The following CECR2 variants were observed in gnomAD, a reference collection of about 807,000 sequenced individuals.
CECR2 encodes the protein chromatin remodeling regulator CECR2.
CECR2 carries 30 observed loss-of-function variants against 154.5 expected under a neutral mutation model. The observed-to-expected ratio is 0.19, with a 90% CI of 0.15 to 0.26. CECR2 has a LOEUF of 0.26. CECR2 is among the 10% of genes least tolerant of loss of function. The pLI is 1.00. For synonymous variants in CECR2, 725 were observed against 683.7 expected (o/e 1.06, Z -0.94); for missense variants, 1,743 against 1,829.3 (o/e 0.95, Z 0.86).
At position 17,540,736 on chromosome 22, in the gene CECR2, G is replaced by A. The variant is rs745565052; in HGVS notation, c.1820G>A (p.Arg607Gln). 8.1e-6 allele frequency: 13 copies of A among 1,611,068 alleles called. No individual in the cohort carries two copies. The highest frequency in any genetic ancestry group is 6.6e-5 in the South Asian group (6 of 90,404). Residue 607 changes from arginine (R) to glutamine (Q), a missense_variant, in exon 14 of 19, where the codon CGA (arginine) becomes CAA (glutamine). By Grantham distance (43) the Arg-to-Gln change is conservative (BLOSUM62 1). Around this residue, in one of 4 missense-constraint regions of CECR2, gnomAD observed 1,250 missense variants for 1,192.1 expected, o/e 1.05. Coordinates refer to ENST00000262608, the MANE Select transcript of CECR2 (RefSeq NM_001290047.2). The part of the protein sequence containing the change: ...PPREVGTSNG[R>Q]GFSHPLHCGG... ...CGGGAGGTGGGCACTTCCAATGGCCGAGGTTTTTCTCATCCCCTGCATTGT... is the reference window on the plus strand; with the variant it reads ...CGGGAGGTGGGCACTTCCAATGGCCAAGGTTTTTCTCATCCCCTGCATTGT...
At chr22:17,388,271 A>T (rs565351073) in intron 1 of CECR2, among the ~76,000 whole-genome samples, 1 of 152,186 alleles carries the variant, frequency 6.6e-6, no homozygotes, top group East Asian at 1.9e-4. Flanking sequence ...CTTCATAGTT[A>T]CTTTTTGTTT....
chr22:17,540,295 T>C, intron 13 of CECR2, 117 bp from the exon 14 acceptor site: 1 of 957,802 alleles, frequency 1.0e-6, no homozygotes, highest in Non-Finnish European at 1.4e-6. Context: ...ATCTTCTATT[T>C]ATTAGAATTG....
chr22:17,497,092 G>C (rs2055643372), intron 2 of CECR2, among the ~76,000 whole-genome samples: 1 of 152,112 alleles, frequency 6.6e-6, no homozygotes, highest in Admixed American at 6.6e-5. Flanking sequence ...CTGGGAGCTT[G>C]AGAACAGCCT....
At chr22:17,487,745 ATCTTTAGT>A (rs1486344829) in intron 2 of CECR2, among the ~76,000 whole-genome samples, 2 of 152,112 alleles carry the variant, frequency 1.3e-5, no homozygotes, top group African/African-American at 4.8e-5. Flanking sequence ...TTGTCCGTAC[ATCTTTAGT>A]AGAGTGCTCT....
intron 4 of CECR2, 65 bp downstream of exon 4, chr22:17,499,614 CA>C (rs2055698811): frequency 6.9e-7 from 1 of 1,449,810 alleles, no homozygotes; most frequent in African/African-American, 1.4e-5. Context: ...TTAAATGCAT[CA>C]GAATTCTACA....
intron 2 of CECR2, among the ~76,000 whole-genome samples, chr22:17,479,920 C>A (rs2055277634): frequency 6.6e-6 from 1 of 151,776 alleles, no homozygotes; most frequent in Non-Finnish European, 1.5e-5. Context: ...GTGCCACCAT[C>A]CCCAGCTGAT....
chr22:17,531,085 C>T (rs935465123), intron 9 of CECR2, among the ~76,000 whole-genome samples: 1 of 152,196 alleles, frequency 6.6e-6, no homozygotes, highest in African/African-American at 2.4e-5. Context: ...CCGGCCATGA[C>T]GAAAGAAGTA....
chr22:17,469,102 T>C (rs1253374865), intron 1 of CECR2, among the ~76,000 whole-genome samples: 1 of 151,910 alleles, frequency 6.6e-6, no homozygotes, highest in Non-Finnish European at 1.5e-5. Context: ...AATTTCAGTG[T>C]GTGTGTGTGT....
At chr22:17,519,449 CAG>C (rs1226704724) in intron 8 of CECR2, among the ~76,000 whole-genome samples, 1 of 151,860 alleles carries the variant, frequency 6.6e-6, no homozygotes, top group South Asian at 2.1e-4. Flanking sequence ...TTAGTAGAGA[CAG>C]GGTTCACCAC....
chr22:17,441,843 C>T (rs2054589244), intron 1 of CECR2, among the ~76,000 whole-genome samples: 3 of 152,172 alleles, frequency 2.0e-5, no homozygotes, highest in Admixed American at 6.6e-5. Flanking sequence ...AGATGTATAA[C>T]TCACCTTGTA....
At chr22:17,482,135 AAAAAAAG>A (rs1408131981) in intron 2 of CECR2, among the ~76,000 whole-genome samples, 5 of 101,426 alleles carry the variant, frequency 4.9e-5, no homozygotes, top group African/African-American at 7.8e-5. Flanking sequence ...AAAAAAAAAA[AAAAAAAG>A]GGCGTGGCAT....
intron 1 of CECR2, among the ~76,000 whole-genome samples, chr22:17,399,766 C>T (rs996632078): frequency 6.6e-6 from 1 of 152,116 alleles, no homozygotes; most frequent in Non-Finnish European, 1.5e-5. Flanking sequence ...GCGACTATAC[C>T]ATGAGTGTAA....
At chr22:17,518,991 T>G (rs201710598) in intron 8 of CECR2, 2 of 204,886 alleles carry the variant, frequency 9.8e-6, no homozygotes, top group East Asian at 2.4e-4. Flanking sequence ...CCCTATTCTC[T>G]GCATCAGAGA....
intron 1 of CECR2, among the ~76,000 whole-genome samples, chr22:17,459,116 A>AC (rs1569095699): frequency 6.6e-6 from 1 of 152,230 alleles, no homozygotes; most frequent in Non-Finnish European, 1.5e-5. Flanking sequence ...TCAAGGACAG[A>AC]CCAAGGAAGC....
At chr22:17,524,079 A>G (rs1466663075) in intron 8 of CECR2, 39 bp from the exon 9 acceptor site, 2 of 1,476,140 alleles carry the variant, frequency 1.4e-6, no homozygotes, top group Non-Finnish European at 1.9e-6. Context: ...ATCTTGCATG[A>G]TTGTGTACTG....
chr22:17,382,100 C>G (rs563212786), intron 1 of CECR2, among the ~76,000 whole-genome samples: 1 of 151,556 alleles, frequency 6.6e-6, no homozygotes, highest in Non-Finnish European at 1.5e-5. Context: ...CCGTGTTAGC[C>G]AGGATGGTCT....
In CECR2 at chr22:17,500,673, A is replaced by C. The variant is rs980054014; in HGVS notation, c.588A>C (p.Lys196Asn). The C allele has an allele frequency of 6.4e-7, 1 of 1,557,902 alleles. No homozygotes were observed. The highest frequency in any genetic ancestry group is 1.4e-5 in the African/African-American group (1 of 73,166). ...GQKNVSSIPG[K>N]TGKRRGRPPK... The stretch of plus-strand genomic sequence containing the variant: ...AAAATGTCTCAAGTATTCCTGGAAA[A>C]ACGGGAAAAAGAAGAGGAAGACCCC... Residue 196 changes from lysine (K) to asparagine (N), a missense_variant, in exon 5 of 19, where the codon AAA becomes AAC. Around this residue, in one of 4 missense-constraint regions of CECR2, gnomAD observed 292 missense variants for 301.2 expected, o/e 0.97. Transcript: ENST00000262608.
intron 1 of CECR2, among the ~76,000 whole-genome samples, chr22:17,429,320 T>C (rs905135246): frequency 6.6e-6 from 1 of 151,924 alleles, no homozygotes; most frequent in Admixed American, 6.6e-5. Context: ...TCCAATGTAG[T>C]CAGAATAGGT....
chr22:17,462,597 G>C (rs755653383), intron 1 of CECR2, among the ~76,000 whole-genome samples: 1 of 152,016 alleles, frequency 6.6e-6, no homozygotes, highest in Non-Finnish European at 1.5e-5. Flanking sequence ...TGGAAGTCCC[G>C]GTGAGAAGTT....
Sources: gnomAD v4.1 joint callset for allele counts (sites outside exome capture counted in the v4.1 genomes callset) on GRCh38, gnomAD v4.1.1 for gene constraint, gnomAD v4.1.1 regional missense constraint, MANE v1.5 for transcripts, NCBI Gene and HGNC (gene_info 2026-07-23, HGNC 2026-07-21) for gene names.